WNT3: variants seen among roughly 807,000 people sequenced by gnomAD.
WNT3 encodes the protein proto-oncogene Wnt-3.
In WNT3, 7 loss-of-function variants were observed where a neutral mutation model predicts 34.2. The observed-to-expected ratio is 0.20, with a 90% confidence interval of 0.12 to 0.38. WNT3 has a LOEUF of 0.38. Ranked by LOEUF, WNT3 falls within the 10% of genes least tolerant of loss-of-function variation. The pLI, the probability that WNT3 is intolerant of heterozygous loss-of-function variation, is 1.00. For missense variants in WNT3, 267 were observed against 499.8 expected (o/e 0.53, Z 4.44); for synonymous variants, 212 against 211.5 (o/e 1.00, Z -0.02).
At position 46,763,945 on chromosome 17, in the gene WNT3, G is replaced by A. The variant is rs1679399266; in HGVS notation, c.*685C>T. The A allele has an allele frequency of 6.6e-6, 1 of 151,958 alleles. No individual in the cohort carries two copies. Among genetic ancestry groups the A allele is most frequent in the Admixed American group, 6.6e-5 (1 of 15,258 alleles). The allele number at this position is 151,958 out of a possible 1,614,324, so 9.4% of individuals were successfully genotyped here. A position where few individuals can be genotyped will look rare whatever the true frequency, so the allele number is the denominator to read the frequency against. ...GCCCCTCGTGCAGAACAGGGTTATA[G>A]AGAAAATGAGACTGAGAAGAACACA... On this transcript the variant is annotated 3_prime_UTR_variant, in exon 5 of 5. Coordinates refer to ENST00000225512, the MANE Select transcript of WNT3 (RefSeq NM_030753.5).
intron 1 of WNT3, among the ~76,000 whole-genome samples, chr17:46,806,616 G>A (rs1317135752): frequency 2.0e-5 from 3 of 152,244 alleles, no homozygotes; most frequent in Non-Finnish European, 4.4e-5. Flanking sequence ...CTTACTGGTA[G>A]CAGAGAAAGG....
chr17:46,771,892 C>CCCCCGCCCCCCGCCCCCGCCCT (rs2059376522), intron 2 of WNT3, among the ~76,000 whole-genome samples: 1 of 144,066 alleles, frequency 6.9e-6, no homozygotes, highest in Admixed American at 6.8e-5. Context: ...GCCCCCGCCC[C>CCCCCGCCCCCCGCCCCCGCCCT]TGCCCCCGCC....
At chr17:46,782,467 CAGA>C (rs1255847279) in intron 1 of WNT3, among the ~76,000 whole-genome samples, 1 of 152,206 alleles carries the variant, frequency 6.6e-6, no homozygotes, top group Non-Finnish European at 1.5e-5. Flanking sequence ...TTCCTGGGCC[CAGA>C]AGGGCTCCAC....
chr17:46,777,197 G>A (rs893009543), intron 1 of WNT3, among the ~76,000 whole-genome samples: 3 of 152,120 alleles, frequency 2.0e-5, no homozygotes, highest in Non-Finnish European at 2.9e-5. Flanking sequence ...GCGACAGAGC[G>A]AGACTTCGTC....
chr17:46,771,723 G>A (rs2059373087), intron 2 of WNT3, among the ~76,000 whole-genome samples: 1 of 141,586 alleles, frequency 7.1e-6, no homozygotes, highest in Non-Finnish European at 1.6e-5. Context: ...CCCCGGCGCC[G>A]GGCCGCGAAA....
At chr17:46,792,598 C>T (rs897875901) in intron 1 of WNT3, among the ~76,000 whole-genome samples, 6 of 152,222 alleles carry the variant, frequency 3.9e-5, no homozygotes, top group East Asian at 1.9e-4. Flanking sequence ...CTCAGCCTCC[C>T]GAGTAGCTGG....
chr17:46,778,170 C>T (rs111380481), intron 1 of WNT3, among the ~76,000 whole-genome samples: 4 of 152,174 alleles, frequency 2.6e-5, no homozygotes, highest in Non-Finnish European at 2.9e-5. Flanking sequence ...TGTCACCAAC[C>T]TCATTTCTCC....
At chr17:46,799,348 C>A (rs2084094314) in intron 1 of WNT3, among the ~76,000 whole-genome samples, 1 of 152,120 alleles carries the variant, frequency 6.6e-6, no homozygotes, top group Non-Finnish European at 1.5e-5. Flanking sequence ...TCTAAAGAAG[C>A]CTGGCCTGGG....
In WNT3 at chr17:46,816,131, T is replaced by G. The variant is rs12938670; in HGVS notation, c.80+2387A>C. ...CGCACGTACACACACACACACACAC[T>G]CACACACACGCACGCACGCACACAC... On this transcript the variant is annotated intron_variant, in intron 1 of 4. Transcript: ENST00000225512. 0.023 allele frequency among the ~76,000 whole-genome samples: 434 copies of G among 19,034 alleles called. 4 individuals are homozygous for G. The East Asian group carries it at 0.32, about 14-fold the overall frequency. The allele number at this position is 19,034 out of a possible 152,430, so 12.5% of individuals were successfully genotyped here. A position where few individuals can be genotyped will look rare whatever the true frequency, so the allele number is the denominator to read the frequency against.
At chr17:46,790,108 A>T (rs1715024426) in intron 1 of WNT3, among the ~76,000 whole-genome samples, 1 of 152,084 alleles carries the variant, frequency 6.6e-6, no homozygotes, top group South Asian at 2.1e-4. Flanking sequence ...GGCAGTCCAG[A>T]GCGAGCCTCA....
At chr17:46,781,611 A>G (rs889314346) in intron 1 of WNT3, among the ~76,000 whole-genome samples, 17 of 152,174 alleles carry the variant, frequency 1.1e-4, no homozygotes, top group African/African-American at 3.9e-4. Context: ...GTGGGAAGTT[A>G]CTGCTTAATA....
intron 1 of WNT3, among the ~76,000 whole-genome samples, chr17:46,775,101 C>T (rs2059403010): frequency 6.6e-6 from 1 of 152,202 alleles, no homozygotes; most frequent in African/African-American, 2.4e-5. Flanking sequence ...CTTTTTAGTA[C>T]ACAAAAGCTT....
intron 1 of WNT3, among the ~76,000 whole-genome samples, chr17:46,799,671 C>G (rs918762141): frequency 2.6e-5 from 4 of 152,146 alleles, no homozygotes; most frequent in Non-Finnish European, 5.9e-5. Context: ...TGGTCTCGAA[C>G]TCCTGACCTC....
intron 1 of WNT3, among the ~76,000 whole-genome samples, chr17:46,775,187 A>G (rs1038403777): frequency 6.6e-6 from 1 of 152,186 alleles, no homozygotes; most frequent in African/African-American, 2.4e-5. Context: ...TTTATATACA[A>G]CATTTCTGAT....
At chr17:46,789,236 T>C (rs199497) in intron 1 of WNT3, among the ~76,000 whole-genome samples, 16,739 of 152,232 alleles carry the variant, frequency 0.11, 1,240 homozygotes, top group Non-Finnish European at 0.17. Flanking sequence ...CTGATAGCAC[T>C]GGCCACCAGG....
At chr17:46,785,356 C>T (rs1409357548) in intron 1 of WNT3, among the ~76,000 whole-genome samples, 1 of 152,190 alleles carries the variant, frequency 6.6e-6, no homozygotes, top group Non-Finnish European at 1.5e-5. Context: ...GCAGCAGGAA[C>T]AGAAAGGTGA....
intron 1 of WNT3, among the ~76,000 whole-genome samples, chr17:46,781,326 CG>C (rs1168179702): frequency 6.6e-6 from 1 of 151,108 alleles, no homozygotes; most frequent in African/African-American, 2.4e-5. Flanking sequence ...AAGCCAGACA[CG>C]GAAGAACAAA....
Position 46,768,254 on chromosome 17 carries a change from A to G in WNT3, c.*8+58T>C. 6 of 1,608,308 alleles carry G rather than the reference A, an allele frequency of 3.7e-6. No homozygotes were observed. The highest frequency in any genetic ancestry group is 5.1e-6 in the Non-Finnish European group (6 of 1,179,138). On this transcript the variant is annotated intron_variant, in intron 4 of 4. Coordinates refer to ENST00000225512, the MANE Select transcript of WNT3 (RefSeq NM_030753.5). This position sits in a 1 kb window ranked among gnomAD's most constrained non-coding sequence, Gnocchi z 5.0. The stretch of plus-strand genomic sequence containing the variant: ...GTCGTCAAGAAGACGAGATGGGCAA[A>G]CAACCCCATTCCCTGCGCCCAGGCT...
chr17:46,789,021 A>G (rs758272626), intron 1 of WNT3, among the ~76,000 whole-genome samples: 1 of 152,198 alleles, frequency 6.6e-6, no homozygotes, highest in Non-Finnish European at 1.5e-5. Flanking sequence ...GCAGCTCCCC[A>G]GGGCTCCTCA....
Sources: allele counts gnomAD v4.1 joint callset (sites outside exome capture counted in the v4.1 genomes callset), GRCh38; gene constraint gnomAD v4.1.1; non-coding constraint Gnocchi (gnomAD v3.1); transcripts MANE v1.5; gene names NCBI Gene and HGNC (gene_info 2026-07-23, HGNC 2026-07-21).